Variants in ALK observed in about 807,000 individuals in gnomAD.
ALK encodes ALK receptor tyrosine kinase.
In ALK, 74 loss-of-function variants were observed where a neutral mutation model predicts 163.1. The observed-to-expected ratio is 0.45, with a 90% CI of 0.38 to 0.55. The LOEUF (loss-of-function observed/expected upper bound fraction) is 0.55. ALK is among the 20% of genes least tolerant of loss of function. The pLI, the probability that ALK is intolerant of heterozygous loss-of-function variation, is 0.00. For missense variants in ALK, 2,063 were observed against 2,105.3 expected, an observed-to-expected ratio of 0.98 and a Z score of 0.39; for synonymous variants, 960 against 843.2, an observed-to-expected ratio of 1.14 and a Z score of -2.40.
At chr2:29,496,570 A>T (rs755039296) in intron 4 of ALK, among the ~76,000 whole-genome samples, 28 of 152,384 alleles carry the variant, frequency 1.8e-4, no homozygotes, top group South Asian at 6.2e-4. Flanking sequence ...AAATAAAAAA[A>T]AATGCCTTGA....
intron 6 of ALK, among the ~76,000 whole-genome samples, chr2:29,323,169 TGG>T (rs1667127662): frequency 6.6e-6 from 1 of 152,234 alleles, no homozygotes; most frequent in African/African-American, 2.4e-5. Flanking sequence ...TTTACTGAGC[TGG>T]TTTGAGGATA....
chr2:29,817,410 A>G (rs1664929733), intron 1 of ALK, among the ~76,000 whole-genome samples: 1 of 152,202 alleles, frequency 6.6e-6, no homozygotes, highest in Admixed American at 6.5e-5. Context: ...GCAAGATGGC[A>G]TCTTTTCTAT....
chr2:29,513,682 C>T (rs1372025320), intron 4 of ALK, among the ~76,000 whole-genome samples: 2 of 151,010 alleles, frequency 1.3e-5, no homozygotes, highest in Non-Finnish European at 3.0e-5. Context: ...TTCTGCACAG[C>T]AAAAGAAACT....
At chr2:29,802,039 ACAAT>A (rs1664479312) in intron 1 of ALK, among the ~76,000 whole-genome samples, 1 of 152,168 alleles carries the variant, frequency 6.6e-6, no homozygotes, top group African/African-American at 2.4e-5. Context: ...GGAAAACTGT[ACAAT>A]CAAAGAAAAT....
intron 1 of ALK, among the ~76,000 whole-genome samples, chr2:29,744,019 T>C (rs1368817089): frequency 6.6e-6 from 1 of 152,010 alleles, no homozygotes; most frequent in African/African-American, 2.4e-5. Flanking sequence ...TCAGAGAACA[T>C]TGGGTTTCCA....
Position 29,507,614 on chromosome 2 carries a change from G to T in ALK, c.1154+24301C>A, listed in dbSNP as rs1028911688. On this transcript the variant is annotated intron_variant, in intron 4 of 28. Coordinates refer to ENST00000389048, the MANE Select transcript of ALK (RefSeq NM_004304.5). ...TGACTTCCAGGCCAGGCCCAAATCA[G>T]GAGGAGCAGGGTTTGACTAAAATTA... Among the ~76,000 whole-genome samples, 6 of 152,318 alleles carry T rather than the reference G, an allele frequency of 3.9e-5. No homozygotes were observed. The East Asian group carries it at 1.2e-3, about 29-fold the overall frequency.
At chr2:29,495,460 C>T (rs1250990189) in intron 4 of ALK, among the ~76,000 whole-genome samples, 2 of 152,188 alleles carry the variant, frequency 1.3e-5, no homozygotes, top group African/African-American at 4.8e-5. Context: ...AGCAATCACG[C>T]CTTCCCCACT....
chr2:29,762,454 G>A (rs1680734286), intron 1 of ALK, among the ~76,000 whole-genome samples: 1 of 152,284 alleles, frequency 6.6e-6, no homozygotes, highest in African/African-American at 2.4e-5. Context: ...AGAGGGTTGC[G>A]TTTTGCAGTC....
At chr2:29,230,242 A>G (rs1433385152) in intron 15 of ALK, among the ~76,000 whole-genome samples, 1 of 151,836 alleles carries the variant, frequency 6.6e-6, no homozygotes. Flanking sequence ...TAGTTATTGT[A>G]TTATTTAGGG....
At chr2:29,315,083 T>C (rs959302158) in intron 8 of ALK, among the ~76,000 whole-genome samples, 15 of 152,194 alleles carry the variant, frequency 9.9e-5, no homozygotes, top group Non-Finnish European at 4.4e-5. Flanking sequence ...CCCAGTTTCC[T>C]GCAGAGAAGA....
intron 1 of ALK, among the ~76,000 whole-genome samples, chr2:29,810,720 G>C (rs1664737153): frequency 6.6e-6 from 1 of 152,076 alleles, no homozygotes; most frequent in Non-Finnish European, 1.5e-5. Context: ...TGTCTCTTAG[G>C]CCTTATATTA....
At chr2:29,297,470 C>T (rs1335418690) in intron 8 of ALK, among the ~76,000 whole-genome samples, 1 of 152,134 alleles carries the variant, frequency 6.6e-6, no homozygotes, top group African/African-American at 2.4e-5. Flanking sequence ...GATTTTGTGA[C>T]TCAGTTTCTT....
chr2:29,486,885 T>C (rs2148122126), intron 4 of ALK, among the ~76,000 whole-genome samples: 2 of 152,342 alleles, frequency 1.3e-5, no homozygotes, highest in African/African-American at 4.8e-5. Context: ...ATAATGAGCT[T>C]AATTTAATTT....
chr2:29,319,463 A>T (rs1313471382), intron 7 of ALK, among the ~76,000 whole-genome samples: 1 of 152,214 alleles, frequency 6.6e-6, no homozygotes, highest in East Asian at 1.9e-4. Flanking sequence ...AAAAGCCCTC[A>T]TGCAGGCAGG....
intron 4 of ALK, among the ~76,000 whole-genome samples, chr2:29,530,062 CTTTTTTTTTTTT>C (rs10536963): frequency 8.8e-5 from 9 of 101,892 alleles, no homozygotes; most frequent in African/African-American, 3.2e-4. Context: ...AATAATCGCT[CTTTTTTTTTTTT>C]TTTTTTTTTT....
intron 1 of ALK, among the ~76,000 whole-genome samples, chr2:29,913,754 G>A (rs779087870): frequency 5.3e-5 from 8 of 152,062 alleles, no homozygotes; most frequent in Non-Finnish European, 1.2e-4. Context: ...TCAAGTCCCT[G>A]GGTTATACGT....
chr2:29,479,055 G>T (rs1671595327), intron 4 of ALK, among the ~76,000 whole-genome samples: 1 of 152,208 alleles, frequency 6.6e-6, no homozygotes, highest in African/African-American at 2.4e-5. Flanking sequence ...TGGTATGAAA[G>T]AAAGGATGTC....
intron 1 of ALK, among the ~76,000 whole-genome samples, chr2:29,902,973 G>A (rs1667454749): frequency 6.6e-6 from 1 of 152,186 alleles, no homozygotes; most frequent in Non-Finnish European, 1.5e-5. Context: ...ACCTGGTGGG[G>A]TTGGTATCAT....
intron 1 of ALK, among the ~76,000 whole-genome samples, chr2:29,850,766 G>A (rs1413377065): frequency 1.3e-5 from 2 of 152,150 alleles, no homozygotes; most frequent in Admixed American, 6.5e-5. Context: ...ACTGTTCCCC[G>A]GGAATACAGA....
Sources: allele counts gnomAD v4.1 joint callset (sites outside exome capture counted in the v4.1 genomes callset), GRCh38; gene constraint gnomAD v4.1.1; transcripts MANE v1.5; gene names NCBI Gene and HGNC (gene_info 2026-07-23, HGNC 2026-07-21).